The following ULK4 variants were observed in gnomAD, a reference collection of about 807,000 sequenced individuals.
ULK4 encodes unc-51 like kinase 4.
A neutral mutation model predicts 160.6 loss-of-function variants in ULK4; 133 were observed. That is an observed-to-expected ratio of 0.83 (90% confidence interval 0.72 to 0.96). ULK4 has a LOEUF of 0.96. ULK4 is among the 40% of genes least tolerant of loss of function. ULK4 has a pLI of 0.00. For missense variants in ULK4, 1,580 were observed against 1,499.5 expected (o/e 1.05, Z -0.89); for synonymous variants, 534 against 539.8 (o/e 0.99, Z 0.15).
chr3:41,324,047 G>A (rs1424436630), intron 35 of ULK4, among the ~76,000 whole-genome samples: 1 of 152,162 alleles, frequency 6.6e-6, no homozygotes, highest in Non-Finnish European at 1.5e-5. Flanking sequence ...CCAGCAGGAA[G>A]CCAGGTCAGC....
chr3:41,931,329 CA>C (rs527597401), intron 5 of ULK4, among the ~76,000 whole-genome samples: 67 of 151,966 alleles, frequency 4.4e-4, no homozygotes, highest in African/African-American at 1.6e-3. Context: ...CGGGGCCTGT[CA>C]GGGGGTAGGG....
chr3:41,523,915 A>G (rs2086020522), intron 32 of ULK4, among the ~76,000 whole-genome samples: 2 of 152,242 alleles, frequency 1.3e-5, no homozygotes, highest in Admixed American at 1.3e-4. Context: ...AAAATGTAGT[A>G]TATCCATATA....
At chr3:41,613,197 C>T (rs1027723181) in intron 31 of ULK4, among the ~76,000 whole-genome samples, 37 of 152,210 alleles carry the variant, frequency 2.4e-4, no homozygotes, top group East Asian at 1.3e-3. Flanking sequence ...ATATATACTG[C>T]TTCCTTGAAA....
At chr3:41,959,820 A>G (rs999253576) in intron 1 of ULK4, among the ~76,000 whole-genome samples, 21 of 152,304 alleles carry the variant, frequency 1.4e-4, no homozygotes, top group African/African-American at 4.8e-4. Flanking sequence ...AGTCCCAGCT[A>G]TATGGTATGT....
At position 41,486,249 on chromosome 3, in the gene ULK4, C is replaced by T. The variant is rs150218491; in HGVS notation, c.3227-22996G>A. Among the ~76,000 whole-genome samples the T allele has an allele frequency of 3.2e-3, 490 of 152,274 alleles. 2 individuals carry two copies. Among genetic ancestry groups the T allele is most frequent in the African/African-American group, 7.9e-3 (328 of 41,562 alleles). On this transcript the variant is annotated intron_variant, in intron 32 of 36. Coordinates refer to ENST00000301831, the MANE Select transcript of ULK4 (RefSeq NM_017886.4). ...CTGCATCACCTAGCCTTGCACAGCCCCTGGCTCATAGTAGGTATTCAAGAA... is the reference window on the plus strand; with the variant it reads ...CTGCATCACCTAGCCTTGCACAGCCTCTGGCTCATAGTAGGTATTCAAGAA...
chr3:41,360,937 G>A (rs1299468368), intron 35 of ULK4, among the ~76,000 whole-genome samples: 3 of 5,828 alleles, frequency 5.1e-4, no homozygotes, highest in Admixed American at 2.3e-3. Context: ...ATTAGAGTTG[G>A]AAATCAAAAA....
intron 35 of ULK4, among the ~76,000 whole-genome samples, chr3:41,335,413 T>C (rs930122917): frequency 5.9e-5 from 9 of 152,212 alleles, no homozygotes; most frequent in African/African-American, 2.2e-4. Flanking sequence ...TAGGTAAGAA[T>C]AACTCCATCT....
intron 34 of ULK4, among the ~76,000 whole-genome samples, chr3:41,427,745 A>G (rs1176935918): frequency 6.6e-6 from 1 of 152,200 alleles, no homozygotes. Flanking sequence ...AACTCTCAAT[A>G]AATTAGATAT....
intron 32 of ULK4, among the ~76,000 whole-genome samples, chr3:41,552,627 C>G (rs2125580212): frequency 6.6e-6 from 1 of 152,018 alleles, no homozygotes; most frequent in Non-Finnish European, 1.5e-5. Flanking sequence ...ATCCTATGCT[C>G]ATGGGTTAGA....
chr3:41,940,283 C>CTAATTT (rs1699909614), intron 2 of ULK4, among the ~76,000 whole-genome samples: 1 of 152,072 alleles, frequency 6.6e-6, no homozygotes, highest in African/African-American at 2.4e-5. Flanking sequence ...ATATGAACCC[C>CTAATTT]TAATTTTAGT....
intron 22 of ULK4, among the ~76,000 whole-genome samples, chr3:41,730,246 C>A (rs2037779538): frequency 6.6e-6 from 1 of 151,956 alleles, no homozygotes; most frequent in Non-Finnish European, 1.5e-5. Context: ...AGAAAAACAA[C>A]AAGAAACTAA....
At chr3:41,756,078 G>A (rs907505871) in intron 21 of ULK4, among the ~76,000 whole-genome samples, 4 of 152,170 alleles carry the variant, frequency 2.6e-5, no homozygotes, top group African/African-American at 7.2e-5. Flanking sequence ...AGGATCTATT[G>A]CAATCATTCA....
intron 30 of ULK4, among the ~76,000 whole-genome samples, chr3:41,632,481 G>A (rs1304997858): frequency 6.6e-6 from 1 of 152,078 alleles, no homozygotes; most frequent in Non-Finnish European, 1.5e-5. Flanking sequence ...CATTTGTTTG[G>A]TATCTTTTAT....
intron 18 of ULK4, among the ~76,000 whole-genome samples, chr3:41,823,797 C>T (rs6793520): frequency 6.6e-6 from 1 of 151,992 alleles, no homozygotes; most frequent in Non-Finnish European, 1.5e-5. Flanking sequence ...TTTGCTATCA[C>T]GAGATGTAGT....
intron 17 of ULK4, among the ~76,000 whole-genome samples, chr3:41,848,752 G>A (rs1245124942): frequency 1.3e-5 from 2 of 152,176 alleles, no homozygotes; most frequent in Non-Finnish European, 2.9e-5. Flanking sequence ...CCAGCTGCCA[G>A]GAATAGCAGA....
chr3:41,935,993 GCC>G (rs201450851), intron 3 of ULK4, 53 bp from the exon 4 acceptor site: 12 of 1,510,000 alleles, frequency 7.9e-6, no homozygotes, highest in African/African-American at 3.2e-5. Flanking sequence ...ATCACAGAGT[GCC>G]CCTGAGAGGT....
At chr3:41,671,490 A>G (rs2035535666) in intron 29 of ULK4, among the ~76,000 whole-genome samples, 1 of 152,174 alleles carries the variant, frequency 6.6e-6, no homozygotes, top group Admixed American at 6.5e-5. Flanking sequence ...CACACAGAAG[A>G]AAGGACACTC....
At chr3:41,504,127 T>C (rs1161490777) in intron 32 of ULK4, among the ~76,000 whole-genome samples, 1 of 152,172 alleles carries the variant, frequency 6.6e-6, no homozygotes, top group Non-Finnish European at 1.5e-5. Flanking sequence ...TCCCTACACA[T>C]TGGCATGACT....
At chr3:41,494,515 G>C (rs1440651348) in intron 32 of ULK4, among the ~76,000 whole-genome samples, 3 of 150,648 alleles carry the variant, frequency 2.0e-5, no homozygotes, top group Non-Finnish European at 4.4e-5. Flanking sequence ...TTTGAAAACT[G>C]GCACAAGACA....
Sources: gnomAD v4.1 joint callset for allele counts (sites outside exome capture counted in the v4.1 genomes callset) on GRCh38, gnomAD v4.1.1 for gene constraint, MANE v1.5 for transcripts, NCBI Gene and HGNC (gene_info 2026-07-23, HGNC 2026-07-21) for gene names.